Variants in NREP observed in about 807,000 individuals in gnomAD.
NREP encodes the protein neuronal regeneration-related protein.
Under a neutral mutation model 8.6 loss-of-function variants are expected in NREP, and 5 were observed. That is an observed-to-expected ratio of 0.58 (90% CI 0.30 to 1.22). NREP has a LOEUF of 1.22. NREP is among the 50% of genes most tolerant of loss of function. The pLI is 0.07. For synonymous variants in NREP, 27 were observed against 28.0 expected (o/e 0.96, Z 0.11); for missense variants, 86 against 82.5 (o/e 1.04, Z -0.17).
intron 2 of NREP, among the ~76,000 whole-genome samples, chr5:111,907,012 C>A (rs1754794442): frequency 6.6e-6 from 1 of 151,980 alleles, no homozygotes; most frequent in African/African-American, 2.4e-5. Flanking sequence ...TCAAGCAATC[C>A]TCCTGCCTAG....
At chr5:111,867,107 G>T (rs1179819534) in intron 2 of NREP, among the ~76,000 whole-genome samples, 22 of 151,400 alleles carry the variant, frequency 1.5e-4, no homozygotes, top group Non-Finnish European at 5.9e-5. Flanking sequence ...TAACTAACCT[G>T]CACGTTGTGC....
intron 2 of NREP, among the ~76,000 whole-genome samples, chr5:111,882,130 C>T (rs1205712859): frequency 2.0e-5 from 3 of 152,072 alleles, no homozygotes; most frequent in Non-Finnish European, 4.4e-5. Flanking sequence ...CAGAAAAGTG[C>T]TTAAAGGAGC....
intron 2 of NREP, among the ~76,000 whole-genome samples, chr5:111,910,071 G>A (rs1022929113): frequency 6.6e-6 from 1 of 152,012 alleles, no homozygotes; most frequent in African/African-American, 2.4e-5. Flanking sequence ...ATTTGCAAGA[G>A]AACATATATT....
intron 2 of NREP, among the ~76,000 whole-genome samples, chr5:111,882,545 G>C (rs182643775): frequency 1.6e-4 from 25 of 152,264 alleles, no homozygotes; most frequent in Admixed American, 7.2e-4. Context: ...CACCAAAGTT[G>C]AAATGAAGGA....
chr5:111,814,654 G>C (rs1289386488), intron 2 of NREP, among the ~76,000 whole-genome samples: 5 of 152,104 alleles, frequency 3.3e-5, no homozygotes, highest in South Asian at 4.1e-4. Context: ...GGACTTTTAG[G>C]GGGTATTGCT....
At chr5:111,749,484 G>A (rs930758810) in intron 2 of NREP, among the ~76,000 whole-genome samples, 1 of 152,056 alleles carries the variant, frequency 6.6e-6, no homozygotes, top group East Asian at 1.9e-4. Flanking sequence ...TCTATCATGT[G>A]AGGAGATTCT....
At chr5:111,887,850 A>G (rs895798257) in intron 2 of NREP, among the ~76,000 whole-genome samples, 1 of 152,212 alleles carries the variant, frequency 6.6e-6, no homozygotes, top group African/African-American at 2.4e-5. Context: ...CAAATTGGAA[A>G]AAGACTTCCC....
intron 2 of NREP, among the ~76,000 whole-genome samples, chr5:111,961,496 T>C (rs1756479475): frequency 6.6e-6 from 1 of 152,226 alleles, no homozygotes; most frequent in South Asian, 2.1e-4. Flanking sequence ...CTTTAAATGG[T>C]AAAGACATGC....
In NREP at chr5:111,866,220, T is replaced by C. The variant is rs200377465; in HGVS notation, c.135+109054A>G. 2.1e-3 allele frequency among the ~76,000 whole-genome samples: 325 copies of C among 151,940 alleles called. 1 individual carries two copies. Among genetic ancestry groups the C allele is most frequent in the African/African-American group, 6.8e-3 (282 of 41,448 alleles). ...ACCATCAGAGTGAACAGGCAACCTA[T>C]AGAATGGGAGAAAATTTTTGCAACC... On this transcript the variant is annotated intron_variant, in intron 2 of 3. Coordinates refer to the NREP transcript ENST00000395634.
chr5:111,816,098 A>C (rs1209193185), intron 2 of NREP, among the ~76,000 whole-genome samples: 1 of 152,214 alleles, frequency 6.6e-6, no homozygotes, highest in Non-Finnish European at 1.5e-5. Flanking sequence ...ACGCTAATGA[A>C]GAATTCTGTA....
chr5:111,946,128 G>A lies in NREP; in HGVS notation c.135+29146C>T, dbSNP rs1000423303. 2.6e-5 allele frequency among the ~76,000 whole-genome samples: 4 copies of A among 151,582 alleles called. No homozygotes were observed. The South Asian group carries it at 8.3e-4, about 32-fold the overall frequency. On this transcript the variant is annotated intron_variant, in intron 2 of 3. Coordinates refer to the NREP transcript ENST00000395634. ...TAAGAAAATAAATTTGAACGAGCTAGTGAGCAGGATAATCTAATAATATAG... is the reference window on the plus strand; with the variant it reads ...TAAGAAAATAAATTTGAACGAGCTAATGAGCAGGATAATCTAATAATATAG...
At chr5:111,775,591 T>G (rs1751339145) in intron 2 of NREP, among the ~76,000 whole-genome samples, 1 of 152,184 alleles carries the variant, frequency 6.6e-6, no homozygotes, top group Non-Finnish European at 1.5e-5. Context: ...AGGATTATTT[T>G]TAATAATCCA....
intron 2 of NREP, among the ~76,000 whole-genome samples, chr5:111,948,552 T>C (rs531833622): frequency 1.3e-5 from 2 of 152,210 alleles, no homozygotes; most frequent in South Asian, 2.1e-4. Context: ...ATGTACCCAG[T>C]AGAGACAAAA....
At chr5:111,887,941 A>T (rs1489158884) in intron 2 of NREP, among the ~76,000 whole-genome samples, 5 of 152,228 alleles carry the variant, frequency 3.3e-5, no homozygotes, top group Non-Finnish European at 7.3e-5. Flanking sequence ...TTGTTACAGC[A>T]ATTACAAAAT....
chr5:111,963,392 C>T (rs548497780), intron 2 of NREP, among the ~76,000 whole-genome samples: 1 of 152,346 alleles, frequency 6.6e-6, no homozygotes, highest in African/African-American at 2.4e-5. Flanking sequence ...CCATAAGCTA[C>T]AGGCCTTAGA....
chr5:111,730,822 C>T lies in NREP; in HGVS notation c.*99G>A. The T allele has an allele frequency of 7.3e-7, 1 of 1,376,302 alleles. No individual in the cohort carries two copies. Among genetic ancestry groups the T allele is most frequent in the Non-Finnish European group, 1.0e-6 (1 of 1,001,708 alleles). The allele number at this position is 1,376,302 out of a possible 1,614,324, so 85.3% of individuals were successfully genotyped here. A position where few individuals can be genotyped will look rare whatever the true frequency, so the allele number is the denominator to read the frequency against. On this transcript the variant is annotated 3_prime_UTR_variant, in exon 4 of 4. Transcript: ENST00000257435. ...AAGGCTCAGAGTCCCATAGTTTCTT[C>T]TTATACTTGATGATTTACACAGAAA... is the stretch of plus-strand genomic sequence containing the variant.
At chr5:111,884,211 C>G (rs1443306614) in intron 2 of NREP, among the ~76,000 whole-genome samples, 1 of 151,400 alleles carries the variant, frequency 6.6e-6, no homozygotes. Context: ...CGCAAATAAA[C>G]TAGAAAATCT....
chr5:111,841,052 C>T (rs1003736180), intron 2 of NREP, among the ~76,000 whole-genome samples: 1 of 152,048 alleles, frequency 6.6e-6, no homozygotes. Flanking sequence ...GGATTGCATG[C>T]ATGCGATTTA....
At chr5:111,756,038 G>A in intron 1 of NREP, 1 of 1,339,106 alleles carries the variant, frequency 7.5e-7, no homozygotes, top group Non-Finnish European at 9.6e-7. Flanking sequence ...CCTGGTACTT[G>A]GCTTTGCAGA....
Sources: allele counts gnomAD v4.1 joint callset (sites outside exome capture counted in the v4.1 genomes callset), GRCh38; gene constraint gnomAD v4.1.1; transcripts MANE v1.5; gene names NCBI Gene and HGNC (gene_info 2026-07-23, HGNC 2026-07-21).